PPFIA2: variants seen among roughly 807,000 people sequenced by gnomAD.
The protein encoded by PPFIA2 is liprin-alpha-2.
In PPFIA2, 46 loss-of-function variants were observed where a neutral mutation model predicts 175.5. The observed-to-expected ratio is 0.26, with a 90% CI of 0.21 to 0.34. The LOEUF (loss-of-function observed/expected upper bound fraction) is 0.34, where lower values mean the gene tolerates loss of function less well. Among genes scored for constraint, PPFIA2 ranks in the 10% least tolerant of loss-of-function variants. PPFIA2 has a pLI of 1.00. For missense variants in PPFIA2, 1,179 were observed against 1,506.1 expected (o/e 0.78, Z 3.60); for synonymous variants, 568 against 511.4 (o/e 1.11, Z -1.49).
intron 3 of PPFIA2, among the ~76,000 whole-genome samples, chr12:81,683,074 A>G (rs2073916326): frequency 6.6e-6 from 1 of 152,130 alleles, no homozygotes; most frequent in Non-Finnish European, 1.5e-5. Flanking sequence ...CTCCACTTAG[A>G]TGTATTATAG....
At chr12:81,700,672 G>GTT (rs1056845575) in intron 3 of PPFIA2, among the ~76,000 whole-genome samples, 17 of 152,062 alleles carry the variant, frequency 1.1e-4, no homozygotes, top group Admixed American at 2.0e-4. Context: ...TGCATACAGT[G>GTT]TTTAGAAGGA....
At chr12:81,605,174 T>C (rs575035389) in intron 4 of PPFIA2, among the ~76,000 whole-genome samples, 39 of 151,996 alleles carry the variant, frequency 2.6e-4, no homozygotes, top group Admixed American at 1.6e-3. Flanking sequence ...GACCAGCAAT[T>C]TGACATAGCC....
chr12:81,583,447 T>C (rs749765530), intron 4 of PPFIA2, among the ~76,000 whole-genome samples: 8 of 151,924 alleles, frequency 5.3e-5, no homozygotes, highest in Non-Finnish European at 1.0e-4. Flanking sequence ...CAGCATTCTC[T>C]GCCTTCTATC....
intron 5 of PPFIA2, among the ~76,000 whole-genome samples, chr12:81,446,311 T>G (rs2051241236): frequency 6.6e-6 from 1 of 152,186 alleles, no homozygotes; most frequent in Non-Finnish European, 1.5e-5. Flanking sequence ...AGTTTTAAAT[T>G]GCCTGTGTTA....
chr12:81,259,453 TA>T lies in PPFIA2; in HGVS notation c.*240del, dbSNP rs1256266543. 1.5e-6 allele frequency: 1 copy of T among 666,938 alleles called. No homozygotes were observed. Among genetic ancestry groups the T allele is most frequent in the Admixed American group, 2.5e-5 (1 of 40,608 alleles). 41.3% of individuals were successfully genotyped at this position (666,938 alleles called of 1,614,324 possible). ...CAGAGTTTATGATGTAGATGATGTT[TA>T]TTATTCAAATGACTTAAGCATTTTA... On this transcript the variant is annotated 3_prime_UTR_variant, in exon 33 of 33. Transcript: ENST00000549396.
intron 5 of PPFIA2, among the ~76,000 whole-genome samples, chr12:81,455,186 G>T (rs1045288740): frequency 2.6e-5 from 4 of 152,136 alleles, no homozygotes; most frequent in East Asian, 1.9e-4. Flanking sequence ...TATAAAAATG[G>T]TTTTATTTAG....
At chr12:81,570,486 C>T (rs564584783) in intron 4 of PPFIA2, among the ~76,000 whole-genome samples, 10 of 152,082 alleles carry the variant, frequency 6.6e-5, no homozygotes, top group Middle Eastern at 3.4e-3. Context: ...AGGGCTGCTG[C>T]TATTTTTGCC....
intron 4 of PPFIA2, among the ~76,000 whole-genome samples, chr12:81,569,696 A>G (rs2072105505): frequency 6.6e-6 from 1 of 152,228 alleles, no homozygotes; most frequent in African/African-American, 2.4e-5. Flanking sequence ...GAATTAGGAA[A>G]GAACTATATA....
intron 4 of PPFIA2, among the ~76,000 whole-genome samples, chr12:81,517,018 C>T (rs901963558): frequency 6.6e-6 from 1 of 151,696 alleles, no homozygotes; most frequent in African/African-American, 2.4e-5. Context: ...GAATTGCTCT[C>T]GCATTCTGCA....
chr12:81,291,194 T>A (rs1204759883), intron 24 of PPFIA2, among the ~76,000 whole-genome samples: 1 of 151,996 alleles, frequency 6.6e-6, no homozygotes, highest in Non-Finnish European at 1.5e-5. Context: ...TTTGTTGTCA[T>A]CTTTGTATTT....
At position 81,258,305 on chromosome 12, in the gene PPFIA2, C is replaced by T. The variant is rs2034404858; in HGVS notation, c.*1389G>A. 1 of 152,062 alleles carries T rather than the reference C, an allele frequency of 6.6e-6. No individual in the cohort carries two copies. The highest frequency in any genetic ancestry group is 1.9e-4 in the East Asian group (1 of 5,196). The allele number at this position is 152,062 out of a possible 1,614,324, so 9.4% of individuals were successfully genotyped here. A position where few individuals can be genotyped will look rare whatever the true frequency, so the allele number is the denominator to read the frequency against. On this transcript the variant is annotated 3_prime_UTR_variant, in exon 33 of 33. Transcript: ENST00000549396. ...TTTTTATTGACAATGGAAAGGGTTT[C>T]TGTTATCATTACCTTTTGACTGAAT...
At chr12:81,431,671 A>C (rs2048118724) in intron 7 of PPFIA2, among the ~76,000 whole-genome samples, 1 of 152,138 alleles carries the variant, frequency 6.6e-6, no homozygotes, top group Non-Finnish European at 1.5e-5. Flanking sequence ...TGATTCTTTT[A>C]AGATCATGAA....
At chr12:81,721,666 T>C (rs548649768) in intron 3 of PPFIA2, among the ~76,000 whole-genome samples, 18 of 151,436 alleles carry the variant, frequency 1.2e-4, no homozygotes, top group African/African-American at 4.3e-4. Flanking sequence ...AAGTTTACGA[T>C]GAGAAAAATA....
chr12:81,473,295 G>A (rs1032415969), intron 4 of PPFIA2, among the ~76,000 whole-genome samples: 1 of 152,060 alleles, frequency 6.6e-6, no homozygotes, highest in East Asian at 1.9e-4. Context: ...TGTAATCTCA[G>A]CTACTAGGGA....
In PPFIA2 at chr12:81,259,557, A is replaced by G; in HGVS notation, c.*137T>C. ...CACATTTTTCAGCTTTTAATAAGTC[A>G]TGACGTCATTATTTCCTTAGAATTC... On this transcript the variant is annotated 3_prime_UTR_variant, in exon 33 of 33. Coordinates refer to ENST00000549396, the MANE Select transcript of PPFIA2 (RefSeq NM_003625.5). 7.2e-7 allele frequency: 1 copy of G among 1,385,894 alleles called. No individual in the cohort carries two copies. The highest frequency in any genetic ancestry group is 9.9e-7 in the Non-Finnish European group (1 of 1,012,644). The allele number at this position is 1,385,894 out of a possible 1,614,324, so 85.8% of individuals were successfully genotyped here.
chr12:81,637,956 T>TA (rs1384589989), intron 4 of PPFIA2, among the ~76,000 whole-genome samples: 1 of 152,138 alleles, frequency 6.6e-6, no homozygotes, highest in Non-Finnish European at 1.5e-5. Context: ...ATAAAATACT[T>TA]ACTCCCTTTC....
At chr12:81,495,030 A>ACATGT (rs2059882529) in intron 4 of PPFIA2, among the ~76,000 whole-genome samples, 1 of 151,780 alleles carries the variant, frequency 6.6e-6, no homozygotes, top group Non-Finnish European at 1.5e-5. Context: ...CCAGCATGGC[A>ACATGT]CATGTATACA....
intron 8 of PPFIA2, among the ~76,000 whole-genome samples, chr12:81,400,733 C>T (rs1307291691): frequency 6.6e-5 from 10 of 152,090 alleles, no homozygotes; most frequent in Admixed American, 6.6e-4. Flanking sequence ...AAAAAGGAAG[C>T]TTTAACTTAG....
chr12:81,343,151 T>G (rs1185665025), intron 19 of PPFIA2, among the ~76,000 whole-genome samples: 1 of 152,084 alleles, frequency 6.6e-6, no homozygotes, highest in Non-Finnish European at 1.5e-5. Flanking sequence ...CTTAATGTAG[T>G]CTTTTGAAGT....
Sources: gnomAD v4.1 joint callset for allele counts (sites outside exome capture counted in the v4.1 genomes callset) on GRCh38, gnomAD v4.1.1 for gene constraint, MANE v1.5 for transcripts, NCBI Gene and HGNC (gene_info 2026-07-23, HGNC 2026-07-21) for gene names.